The following TNS2 variants were observed in gnomAD, a reference collection of about 807,000 sequenced individuals.
TNS2 encodes tensin-2.
A neutral mutation model predicts 155.7 loss-of-function variants in TNS2; 77 were observed. The observed-to-expected ratio is 0.49, with a 90% CI of 0.41 to 0.60. The LOEUF is 0.60. Among genes scored for constraint, TNS2 ranks in the 20% least tolerant of loss-of-function variants. The pLI is 0.00. For synonymous variants in TNS2, 726 were observed against 763.9 expected (o/e 0.95, Z 0.82); for missense variants, 1,703 against 1,868.8 (o/e 0.91, Z 1.64).
intron 21 of TNS2, 135 bp downstream of exon 21, chr12:53,061,604 G>A (rs1944387303): frequency 7.6e-7 from 1 of 1,321,066 alleles, no homozygotes. Context: ...GTGTTTACCA[G>A]CAGGTGATTC....
In TNS2 at chr12:53,059,099, G is replaced by C; in HGVS notation, c.1458G>C (p.Val486=). 1 of 1,549,486 alleles carries C rather than the reference G, an allele frequency of 6.5e-7. No individual in the cohort carries two copies. The highest frequency in any genetic ancestry group is 8.7e-7 in the Non-Finnish European group (1 of 1,154,740). Residue 486 remains valine, a synonymous_variant, in exon 18 of 29, where the codon GTG becomes GTC. Transcript: ENST00000314250. This position sits in a 1 kb window ranked among gnomAD's most constrained non-coding sequence, Gnocchi z 4.7. ...GPLDGSPYAQ[V]QRPPRQTPPA... ...TGGATGGCAGTCCTTATGCCCAGGT[G>C]CAGCGGCCTCCCCGGCAGACCCCCC...
intron 23 of TNS2, 46 bp from the exon 24 acceptor site, chr12:53,062,330 G>A (rs776079939): frequency 1.3e-5 from 21 of 1,613,070 alleles, no homozygotes; most frequent in East Asian, 4.5e-5. Context: ...AGGGAAAGGC[G>A]GGGCACCCTG....
At position 53,058,385 on chromosome 12, in the gene TNS2, T is replaced by G; in HGVS notation, c.1165T>G (p.Cys389Gly). 1 of 1,614,176 alleles carries G rather than the reference T, an allele frequency of 6.2e-7. No homozygotes were observed. The highest frequency in any genetic ancestry group is 8.5e-7 in the Non-Finnish European group (1 of 1,180,014). The stretch of plus-strand genomic sequence containing the variant: ...CGTGTTCCGAGTCCAGTTCCACACC[T>G]GCACCATCCACGGACCACAGCTCAC... ...TLVFRVQFHT[C>G]TIHGPQLTFP... Residue 389 changes from cysteine to glycine, a missense_variant, in exon 15 of 29, where the codon TGC (cysteine) becomes GGC (glycine). Transcript: ENST00000314250.
At chr12:53,049,110 T>C, upstream of TNS2, 1 of 1,482,108 alleles carries the variant, frequency 6.7e-7, no homozygotes, top group Non-Finnish European at 9.1e-7. Context: ...GGACGGGAAG[T>C]TGGCCATGTT....
At chr12:53,048,864 A>T, upstream of TNS2, 2 of 278,566 alleles carry the variant, frequency 7.2e-6, no homozygotes, top group Non-Finnish European at 1.3e-5. Flanking sequence ...AGTAGAAGGG[A>T]CTCCGTGGGA....
At chr12:53,054,160 C>G in intron 6 of TNS2, 110 bp from the exon 7 acceptor site, 1 of 1,575,446 alleles carries the variant, frequency 6.3e-7, no homozygotes, top group Non-Finnish European at 8.7e-7. Context: ...ATCCACCCAC[C>G]CTCAGGACCC....
At chr12:53,053,569 C>T in intron 4 of TNS2, 120 bp downstream of exon 4, 2 of 1,428,374 alleles carry the variant, frequency 1.4e-6, no homozygotes, top group Non-Finnish European at 1.9e-6. Flanking sequence ...GTGGGTATTG[C>T]TCATCCTATG....
At chr12:53,055,528 G>T (rs1944117455) in intron 8 of TNS2, 40 bp from the exon 9 acceptor site, 1 of 1,564,916 alleles carries the variant, frequency 6.4e-7, no homozygotes, top group Non-Finnish European at 8.7e-7. Flanking sequence ...CTCTCTGTTG[G>T]TGGCCCCCGG....
At position 53,055,174 on chromosome 12, in the gene TNS2, C is replaced by A; in HGVS notation, c.523-12C>A. On this transcript the variant is annotated splice_polypyrimidine_tract_variant and intron_variant, in intron 7 of 28. Coordinates refer to ENST00000314250, the MANE Select transcript of TNS2 (RefSeq NM_170754.4). ...GATCATTTCTGTCTAAAGCCCTCCC[C>A]CTTTATTTCAGCTCTTCAACCTTTC... 8 of 1,613,998 alleles carry A rather than the reference C, an allele frequency of 5.0e-6. No homozygotes were observed. In the South Asian group the frequency reaches 5.5e-5, roughly 11 times the overall value.
chr12:53,057,317 T>C (rs1944195367), intron 11 of TNS2, among the ~76,000 whole-genome samples: 1 of 152,038 alleles, frequency 6.6e-6, no homozygotes, highest in South Asian at 2.1e-4. Context: ...AGATCAGTCA[T>C]AAAGAGAACC....
chr12:53,062,262 T>C lies in TNS2; in HGVS notation c.3667+17T>C. 1 of 1,613,566 alleles carries C rather than the reference T, an allele frequency of 6.2e-7. No individual in the cohort carries two copies. The highest frequency in any genetic ancestry group is 8.5e-7 in the Non-Finnish European group (1 of 1,179,724). On this transcript the variant is annotated intron_variant, in intron 23 of 28. Coordinates refer to ENST00000314250, the MANE Select transcript of TNS2 (RefSeq NM_170754.4). ...CCTACTTTGGTGAGAAGCAGGAGCC[T>C]GGGGAAGGCTACGTTGGGTCGGTTT...
In TNS2 at chr12:53,064,167, C is replaced by T. The variant is rs1944472583; in HGVS notation, c.*285C>T. On this transcript the variant is annotated 3_prime_UTR_variant, in exon 29 of 29. Transcript: ENST00000314250. Reference sequence around the variant, plus strand: ...TTGAGCCCCGAAGGAGATCAGGCAGCCCCACCTGCAGGAGAACGTCAGCCC... The same window carrying T: ...TTGAGCCCCGAAGGAGATCAGGCAGTCCCACCTGCAGGAGAACGTCAGCCC... 1 of 388,622 alleles carries T rather than the reference C, an allele frequency of 2.6e-6. No individual in the cohort carries two copies. The highest frequency in any genetic ancestry group is 4.7e-6 in the Non-Finnish European group (1 of 213,426). 24.1% of individuals were successfully genotyped at this position (388,622 alleles called of 1,614,324 possible).
chr12:53,059,459 T>A lies in TNS2; in HGVS notation c.1818T>A (p.Asn606Lys), dbSNP rs1944294714. ...ACCGGGAGCCCTGCGGGGTTCCCAA[T>A]GGGGGCTACTACCGGCCAGAGGGAA... ...QGYREPCGVP[N>K]GGYYRPEGTL... Residue 606 changes from asparagine to lysine, a missense_variant, in exon 18 of 29, where the codon AAT becomes AAA. Transcript: ENST00000314250. This position sits in a 1 kb window ranked among gnomAD's most constrained non-coding sequence, Gnocchi z 4.7. 1 of 1,518,370 alleles carries A rather than the reference T, an allele frequency of 6.6e-7. No individual in the cohort carries two copies. The highest frequency in any genetic ancestry group is 2.3e-5 in the Admixed American group (1 of 43,072). The allele number at this position is 1,518,370 out of a possible 1,614,324, so 94.1% of individuals were successfully genotyped here.
At chr12:53,052,696 C>T (rs536380621) in intron 3 of TNS2, among the ~76,000 whole-genome samples, 8 of 148,564 alleles carry the variant, frequency 5.4e-5, no homozygotes, top group African/African-American at 1.5e-4. Flanking sequence ...CCAGCCCAGG[C>T]GGGTGGACAG....
intron 7 of TNS2, 87 bp downstream of exon 7, chr12:53,054,528 G>A (rs2121092956): frequency 7.1e-7 from 1 of 1,414,856 alleles, no homozygotes; most frequent in East Asian, 2.6e-5. Context: ...CACCAGCGGA[G>A]GCGAGGCCGC....
rs1485560565 is a variant in TNS2 at position 53,061,057 on chromosome 12, A to C, written c.3151A>C (p.Ser1051Arg). ...WLVASPEPPQ[S>R]SPTPAFPLAA... The stretch of plus-strand genomic sequence containing the variant: ...TGTGGCCAGCCCAGAGCCGCCTCAG[A>C]GCTCACCTACACCTGCTTTCCCCCT... Residue 1051 changes from serine to arginine, a missense_variant, in exon 20 of 29, where the codon AGC becomes CGC. Ser to Arg is a moderately radical substitution (Grantham distance 110). Transcript: ENST00000314250. 6.2e-7 allele frequency: 1 copy of C among 1,613,578 alleles called. No individual in the cohort carries two copies. Among genetic ancestry groups the C allele is most frequent in the Admixed American group, 1.7e-5 (1 of 59,958 alleles).
rs1418797586 is a variant in TNS2, at chr12:53,062,373, C to T, written c.3668-3C>T. The T allele has an allele frequency of 3.3e-5, 54 of 1,613,836 alleles. No individual in the cohort carries two copies. Among genetic ancestry groups the T allele is most frequent in the Non-Finnish European group, 4.6e-5 (54 of 1,179,918 alleles). On this transcript the variant is annotated splice_polypyrimidine_tract_variant and splice_region_variant and intron_variant, in intron 23 of 28. Coordinates refer to ENST00000314250, the MANE Select transcript of TNS2 (RefSeq NM_170754.4). ...CGGGACTTTCCTACCTCCTCTCCCA[C>T]AGGCAGCCTGTCCGCCTTGGTCTCC...
In TNS2 at chr12:53,057,266, G is replaced by T. The variant is rs113522595; in HGVS notation, c.845+170G>T. Among the ~76,000 whole-genome samples the T allele has an allele frequency of 1.0e-3, 156 of 152,342 alleles. 1 individual carries two copies. The highest frequency in any genetic ancestry group is 3.4e-3 in the African/African-American group (142 of 41,584). On this transcript the variant is annotated intron_variant, in intron 11 of 28. Coordinates refer to ENST00000314250, the MANE Select transcript of TNS2 (RefSeq NM_170754.4). ...CTGCTCTCATGGAGCTTTCATGCTA[G>T]TAGGGTGGAAGGCAGTAGACCTGGG...
intron 24 of TNS2, 23 bp downstream of exon 24, chr12:53,062,476 TCCCCACCTCTCCCTAC>T (rs1339386174): frequency 6.2e-7 from 1 of 1,612,584 alleles, no homozygotes; most frequent in South Asian, 1.1e-5. Context: ...TCATCTGTCC[TCCCCACCTCTCCCTAC>T]CCCCTGCAGC....
Sources: gnomAD v4.1 joint callset for allele counts (sites outside exome capture counted in the v4.1 genomes callset) on GRCh38, gnomAD v4.1.1 for gene constraint, Gnocchi (gnomAD v3.1) non-coding constraint, MANE v1.5 for transcripts, NCBI Gene and HGNC (gene_info 2026-07-23, HGNC 2026-07-21) for gene names.